Variants in KCNG2 observed in about 807,000 individuals in gnomAD.
KCNG2 encodes the protein voltage-gated potassium channel regulatory subunit KCNG2.
A neutral mutation model predicts 12.3 loss-of-function variants in KCNG2; 7 were observed. The ratio of observed to expected loss-of-function variants is 0.57; its 90% confidence interval spans 0.32 to 1.07. The LOEUF is 1.07. KCNG2 is among the 50% of genes least tolerant of loss of function. The pLI, the probability that KCNG2 is intolerant of heterozygous loss-of-function variation, is 0.04. For missense variants in KCNG2, 703 were observed against 726.0 expected (o/e 0.97, Z 0.36); for synonymous variants, 414 against 351.4 (o/e 1.18, Z -1.99).
intron 2 of KCNG2, among the ~76,000 whole-genome samples, chr18:79,859,279 T>G (rs1325509226): frequency 6.6e-6 from 1 of 152,232 alleles, no homozygotes; most frequent in African/African-American, 2.4e-5. Context: ...CCATTCAGTG[T>G]TGCTATAAAG....
chr18:79,824,573 C>G (rs2087597822), intron 1 of KCNG2, among the ~76,000 whole-genome samples: 1 of 152,074 alleles, frequency 6.6e-6, no homozygotes, highest in Non-Finnish European at 1.5e-5. Flanking sequence ...AGTGGGTATC[C>G]TTGTTTCTGA....
At position 79,899,394 on chromosome 18, in the gene KCNG2, C is replaced by T; in HGVS notation, c.979C>T (p.Leu327=). Residue 327 remains leucine, a synonymous_variant, in exon 4 of 4, where the codon CTG becomes TTG. Transcript: ENST00000316249. ...RCAREFGLLL[L]FLCVAMALFA... Reference sequence around the variant, plus strand: ...CGCGCGCGAGTTCGGGCTGCTGCTGCTGTTCCTCTGCGTGGCCATGGCGCT... The same window carrying T: ...CGCGCGCGAGTTCGGGCTGCTGCTGTTGTTCCTCTGCGTGGCCATGGCGCT... 1 of 1,576,384 alleles carries T rather than the reference C, an allele frequency of 6.3e-7. No individual in the cohort carries two copies. Among genetic ancestry groups the T allele is most frequent in the Non-Finnish European group, 8.6e-7 (1 of 1,166,446 alleles).
intron 1 of KCNG2, among the ~76,000 whole-genome samples, chr18:79,826,601 A>T (rs1978286275): frequency 6.9e-6 from 1 of 144,000 alleles, no homozygotes; most frequent in Middle Eastern, 3.8e-3. Context: ...CATTACGTTC[A>T]GTGAAAACTG....
intron 1 of KCNG2, among the ~76,000 whole-genome samples, chr18:79,817,033 GCTGCCACAT>G (rs2087534378): frequency 7.0e-6 from 1 of 142,270 alleles, no homozygotes; most frequent in Non-Finnish European, 1.5e-5. Context: ...TTGTCACGCA[GCTGCCACAT>G]GGATGTTACA....
At chr18:79,863,217 C>T (rs894183470) in intron 2 of KCNG2, among the ~76,000 whole-genome samples, 1 of 152,242 alleles carries the variant, frequency 6.6e-6, no homozygotes, top group African/African-American at 2.4e-5. Context: ...GTCCGCGGGA[C>T]ACACCGTGAG....
At chr18:79,883,289 A>G (rs1381650187) in intron 3 of KCNG2, among the ~76,000 whole-genome samples, 1 of 152,070 alleles carries the variant, frequency 6.6e-6, no homozygotes, top group African/African-American at 2.4e-5. Flanking sequence ...GGCGGGGGGA[A>G]GCTGGGGGAG....
chr18:79,833,611 T>C (rs1043374429), intron 1 of KCNG2, among the ~76,000 whole-genome samples: 1 of 152,262 alleles, frequency 6.6e-6, no homozygotes, highest in Non-Finnish European at 1.5e-5. Flanking sequence ...CCCAAATCTC[T>C]TTGGCTATGA....
intron 3 of KCNG2, among the ~76,000 whole-genome samples, chr18:79,883,915 C>T (rs1410371988): frequency 6.6e-6 from 1 of 152,198 alleles, no homozygotes; most frequent in Non-Finnish European, 1.5e-5. Flanking sequence ...CCGGCGTCCC[C>T]ACCGGCACGT....
intron 3 of KCNG2, among the ~76,000 whole-genome samples, chr18:79,898,266 C>T (rs1469531052): frequency 2.6e-5 from 4 of 152,296 alleles, no homozygotes; most frequent in East Asian, 3.9e-4. Flanking sequence ...GGGACAGCTG[C>T]GAGCCTCAGT....
Position 79,899,317 on chromosome 18 carries a change from T to C in KCNG2, c.902T>C (p.Leu301Pro). The change falls in exon 4 of 4, where the codon CTG becomes CCG. Residue 301 changes from leucine to proline, a missense_variant. Physicochemically the swap from Leu to Pro is moderately conservative, Grantham distance 98 (BLOSUM62 -3). Transcript: ENST00000316249. ...CTGCGCGTGCTCTACGTGATGCGCC[T>C]GGCGCGCCACTCGCTGGGGCTGCGT... ...RALRVLYVMR[L>P]ARHSLGLRSL... is the part of the protein sequence containing the mutation. 1 of 1,553,732 alleles carries C rather than the reference T, an allele frequency of 6.4e-7. No homozygotes were observed. The highest frequency in any genetic ancestry group is 2.4e-5 in the East Asian group (1 of 42,476).
chr18:79,820,036 G>C (rs188864400), intron 1 of KCNG2, among the ~76,000 whole-genome samples: 1 of 152,202 alleles, frequency 6.6e-6, no homozygotes, highest in Non-Finnish European at 1.5e-5. Flanking sequence ...TTCCTTCTCC[G>C]AAGGAGGTGC....
chr18:79,840,347 GAATAT>G (rs1417154397), intron 1 of KCNG2, among the ~76,000 whole-genome samples: 1 of 152,092 alleles, frequency 6.6e-6, no homozygotes, highest in Admixed American at 6.5e-5. Context: ...ATTAAACATA[GAATAT>G]AATACCCTTT....
intron 1 of KCNG2, among the ~76,000 whole-genome samples, chr18:79,827,871 A>C (rs1978287353): frequency 6.6e-6 from 1 of 152,226 alleles, no homozygotes; most frequent in African/African-American, 2.4e-5. Flanking sequence ...ATGTTTAAAC[A>C]GAATTAGCAG....
Position 79,863,892 on chromosome 18 carries a change from G to A in KCNG2, c.225G>A (p.Pro75=). Residue 75 remains proline, a synonymous_variant, in exon 3 of 4, where the codon CCG becomes CCA. Transcript: ENST00000316249. The stretch of plus-strand genomic sequence containing the variant: ...ACGAGTTCTTCTTCGACCGCAGCCC[G>A]TGCGCCTTCCGCGCCATCGTGGCGC... The part of the protein sequence containing the change: ...SRDEFFFDRS[P]CAFRAIVALL... 1.4e-6 allele frequency: 2 copies of A among 1,461,048 alleles called. No homozygotes were observed. The highest frequency in any genetic ancestry group is 1.3e-5 in the South Asian group (1 of 78,172). The allele number at this position is 1,461,048 out of a possible 1,614,324, so 90.5% of individuals were successfully genotyped here.
At chr18:79,893,569 G>A (rs1342769035) in intron 3 of KCNG2, among the ~76,000 whole-genome samples, 4 of 151,144 alleles carry the variant, frequency 2.6e-5, no homozygotes, top group Non-Finnish European at 5.9e-5. Flanking sequence ...CGTCTCCTTT[G>A]ATTGGGTTGT....
intron 1 of KCNG2, among the ~76,000 whole-genome samples, chr18:79,817,225 G>A (rs1002600340): frequency 2.9e-5 from 4 of 140,116 alleles, no homozygotes; most frequent in Admixed American, 7.1e-5. Flanking sequence ...GCTGCCACAC[G>A]GCTGTCACAC....
chr18:79,815,853 G>T (rs772618247), intron 1 of KCNG2, among the ~76,000 whole-genome samples: 2 of 152,206 alleles, frequency 1.3e-5, no homozygotes, highest in African/African-American at 4.8e-5. Flanking sequence ...GGCACCCACC[G>T]CCCTGGAGCT....
intron 1 of KCNG2, among the ~76,000 whole-genome samples, chr18:79,810,124 C>T (rs887460737): frequency 1.3e-5 from 2 of 152,104 alleles, no homozygotes; most frequent in Non-Finnish European, 2.9e-5. Context: ...CTGGGCTTCT[C>T]ATGTGCAAAG....
chr18:79,879,638 G>A (rs1980217108), intron 3 of KCNG2, among the ~76,000 whole-genome samples: 1 of 152,202 alleles, frequency 6.6e-6, no homozygotes, highest in Non-Finnish European at 1.5e-5. Flanking sequence ...ACCGCTGGGA[G>A]GTTAATCCAG....
Sources: allele counts gnomAD v4.1 joint callset (sites outside exome capture counted in the v4.1 genomes callset), GRCh38; gene constraint gnomAD v4.1.1; transcripts MANE v1.5; gene names NCBI Gene and HGNC (gene_info 2026-07-23, HGNC 2026-07-21).